NR3C1: variants seen among roughly 807,000 people sequenced by gnomAD.
NR3C1 encodes nuclear receptor subfamily 3 group C member 1, also known as glucocorticoid receptor.
Under a neutral mutation model 74.0 loss-of-function variants are expected in NR3C1, and 14 were observed. The ratio of observed to expected loss-of-function variants is 0.19; its 90% CI spans 0.12 to 0.30. NR3C1 has a LOEUF of 0.30. Ranked by LOEUF, NR3C1 falls within the 10% of genes least tolerant of loss-of-function variation. The probability of loss-of-function intolerance (pLI) is 1.00; values close to 1 mark genes in which losing one functional copy is unlikely to be tolerated. For missense variants in NR3C1, 695 were observed against 909.8 expected (o/e 0.76, Z 3.04); for synonymous variants, 308 against 332.5 (o/e 0.93, Z 0.80).
chr5:143,309,978 G>A (rs1820555312), intron 4 of NR3C1, 119 bp downstream of exon 4: 3 of 775,824 alleles, frequency 3.9e-6, no homozygotes, highest in Middle Eastern at 3.7e-4. Flanking sequence ...TGCTAGTCAA[G>A]CATATATATA....
At chr5:143,424,447 G>A (rs540863976) in intron 1 of NR3C1, among the ~76,000 whole-genome samples, 25 of 152,024 alleles carry the variant, frequency 1.6e-4, no homozygotes, top group African/African-American at 5.5e-4. Flanking sequence ...TCATTATATG[G>A]TGTATGCTTG....
At position 143,403,210 on chromosome 5, in the gene NR3C1, C is replaced by T; in HGVS notation, c.-14+1G>A. 1 of 985,472 alleles carries T rather than the reference C, an allele frequency of 1.0e-6. No individual in the cohort carries two copies. 61.0% of individuals were successfully genotyped at this position (985,472 alleles called of 1,614,324 possible). Reference sequence around the variant, plus strand: ...CGGCCCCCTCCCGCCTCGCTTCTTACCTCTGGCAGAGGAGCCGCTCGCCCG... The same window carrying T: ...CGGCCCCCTCCCGCCTCGCTTCTTATCTCTGGCAGAGGAGCCGCTCGCCCG... On this transcript the variant is annotated splice_donor_variant, in intron 1 of 8. Transcript: ENST00000394464. LOFTEE classifies it low-confidence loss of function (5UTR_SPLICE).
chr5:143,346,710 AAAC>A (rs1170436393), intron 2 of NR3C1, among the ~76,000 whole-genome samples: 1 of 152,256 alleles, frequency 6.6e-6, no homozygotes, highest in Admixed American at 6.5e-5. Context: ...AGCAAAATTG[AAAC>A]AACTGTAAAC....
rs1365250310 is a variant in NR3C1, at chr5:143,400,293, A to G, written c.547T>C (p.Leu183=). ...AAGGTGCTTTGGTCTGTGGTATACA[A>G]TTTCACATTGCCACCGTTGGTGCCA... ...QTGTNGGNVK[L]YTTDQSTFDI... The change falls in exon 2 of 9, where the codon TTG becomes CTG. Residue 183 remains leucine (L), a synonymous_variant. Coordinates refer to ENST00000394464, the MANE Select transcript of NR3C1 (RefSeq NM_000176.3). The G allele has an allele frequency of 1.9e-6, 3 of 1,608,204 alleles. No homozygotes were observed. The highest frequency in any genetic ancestry group is 2.2e-5 in the South Asian group (2 of 90,548).
At chr5:143,396,802 C>A (rs1372423723) in intron 2 of NR3C1, among the ~76,000 whole-genome samples, 1 of 151,738 alleles carries the variant, frequency 6.6e-6, no homozygotes, top group East Asian at 1.9e-4. Context: ...ACTAAAATTT[C>A]AACATAATCC....
At chr5:143,366,209 C>G (rs1265162124) in intron 2 of NR3C1, among the ~76,000 whole-genome samples, 1 of 151,940 alleles carries the variant, frequency 6.6e-6, no homozygotes, top group African/African-American at 2.4e-5. Flanking sequence ...AGTAGGTCAA[C>G]AAAAATAACC....
upstream of NR3C1, chr5:143,405,008 G>A (rs1841009207): frequency 7.2e-6 from 4 of 555,736 alleles, no homozygotes; most frequent in Non-Finnish European, 9.1e-6. Flanking sequence ...TCAGTCCAAG[G>A]GGAAGGGAAC....
At chr5:143,340,892 G>C (rs1828089203) in intron 2 of NR3C1, among the ~76,000 whole-genome samples, 1 of 152,020 alleles carries the variant, frequency 6.6e-6, no homozygotes, top group African/African-American at 2.4e-5. Context: ...CACATGTCAC[G>C]GGGGCTTGTT....
At chr5:143,415,752 A>G (rs1841455610) in intron 1 of NR3C1, among the ~76,000 whole-genome samples, 1 of 152,186 alleles carries the variant, frequency 6.6e-6, no homozygotes, top group African/African-American at 2.4e-5. Flanking sequence ...GCTATTGTAC[A>G]ATTATTATAG....
chr5:143,335,045 G>T (rs868167552), intron 2 of NR3C1, among the ~76,000 whole-genome samples: 1 of 152,234 alleles, frequency 6.6e-6, no homozygotes, highest in Middle Eastern at 3.4e-3. Context: ...GAACATGAGG[G>T]GTTCACACCT....
chr5:143,400,359 A>C lies in NR3C1; in HGVS notation c.481T>G (p.Ser161Ala). 6.2e-7 allele frequency: 1 copy of C among 1,614,114 alleles called. No homozygotes were observed. Among genetic ancestry groups the C allele is most frequent in the Non-Finnish European group, 8.5e-7 (1 of 1,180,014 alleles). ...PTEKEFPKTH[S>A]DVSSEQQHLK... ...TGTTGCTGTTCTGAAGATACATCAG[A>C]GTGAGTTTTTGGAAACTCCTTCTCT... The change falls in exon 2 of 9, where the codon TCT becomes GCT. Residue 161 changes from serine (S) to alanine (A), a missense_variant. Physicochemically the swap from Ser to Ala is moderately conservative, Grantham distance 99. Coordinates refer to ENST00000394464, the MANE Select transcript of NR3C1 (RefSeq NM_000176.3).
chr5:143,345,813 A>G (rs1451261871), intron 2 of NR3C1, among the ~76,000 whole-genome samples: 1 of 152,200 alleles, frequency 6.6e-6, no homozygotes, highest in African/African-American at 2.4e-5. Flanking sequence ...GGTTAATATT[A>G]TAAGTGTTTT....
At chr5:143,340,476 ATTTTTTTTT>A (rs3074500) in intron 2 of NR3C1, among the ~76,000 whole-genome samples, 2 of 89,146 alleles carry the variant, frequency 2.2e-5, no homozygotes, top group Admixed American at 1.4e-4. Context: ...TTTAAAGATG[ATTTTTTTTT>A]TTTTTTTTTT....
chr5:143,366,677 T>C (rs1341315469), intron 2 of NR3C1, among the ~76,000 whole-genome samples: 2 of 152,144 alleles, frequency 1.3e-5, no homozygotes, highest in Non-Finnish European at 2.9e-5. Context: ...AAAGGAATAC[T>C]ATGAATAATT....
At chr5:143,377,066 CT>C (rs1366932427) in intron 2 of NR3C1, among the ~76,000 whole-genome samples, 1 of 152,148 alleles carries the variant, frequency 6.6e-6, no homozygotes. Context: ...TTATTAATGC[CT>C]GAAATTCCAT....
At position 143,434,379 on chromosome 5, in the gene NR3C1, T is replaced by G. The variant is rs1181178635; in HGVS notation, c.-14+153A>C. On this transcript the variant is annotated intron_variant, in intron 1 of 8. Coordinates refer to the NR3C1 transcript ENST00000343796. ...TTTAGATAAAGCCCACAAAAATGTT[T>G]TCTTCCTGTTCAGTTTAAACTATCC... 2.0e-5 allele frequency among the ~76,000 whole-genome samples: 3 copies of G among 152,328 alleles called. No individual in the cohort carries two copies. The Middle Eastern group carries it at 0.01, about 522-fold the overall frequency.
intron 1 of NR3C1, among the ~76,000 whole-genome samples, chr5:143,433,456 A>ATATATATATATTTTATTTATTTAAAT (rs1751955148): frequency 3.6e-4 from 17 of 46,722 alleles, no homozygotes; most frequent in Non-Finnish European, 6.8e-4. Context: ...TTTAAATTAT[A>ATATATATATATTTTATTTATTTAAAT]TATATATATA....
upstream of NR3C1, among the ~76,000 whole-genome samples, chr5:143,408,413 C>A (rs192154753): frequency 6.6e-6 from 1 of 152,244 alleles, no homozygotes; most frequent in Non-Finnish European, 1.5e-5. Flanking sequence ...AATTATTATT[C>A]ATCTGTAGAA....
At chr5:143,285,298 G>A (rs923220762) in intron 7 of NR3C1, among the ~76,000 whole-genome samples, 1 of 152,154 alleles carries the variant, frequency 6.6e-6, no homozygotes, top group Admixed American at 6.6e-5. Context: ...CAGAAAAAAG[G>A]CTACATAGAT....
Sources: gnomAD v4.1 joint callset for allele counts (sites outside exome capture counted in the v4.1 genomes callset) on GRCh38, gnomAD v4.1.1 for gene constraint, MANE v1.5 for transcripts, NCBI Gene and HGNC (gene_info 2026-07-23, HGNC 2026-07-21) for gene names.